TRIOBP: variants seen among roughly 807,000 people sequenced by gnomAD.
TRIOBP encodes the protein TRIO and F-actin-binding protein.
Under a neutral mutation model 238.8 loss-of-function variants are expected in TRIOBP, and 169 were observed. The observed-to-expected ratio is 0.71, with a 90% CI of 0.62 to 0.80. The LOEUF (loss-of-function observed/expected upper bound fraction) is 0.80. Among genes scored for constraint, TRIOBP ranks in the 30% least tolerant of loss-of-function variants. The probability of loss-of-function intolerance (pLI) is 0.00; values close to 1 mark genes in which losing one functional copy is unlikely to be tolerated. For synonymous variants in TRIOBP, 1,150 were observed against 1,274.4 expected (o/e 0.90, Z 2.08); for missense variants, 2,838 against 3,122.6 (o/e 0.91, Z 2.17).
chr22:37,726,310 T>C lies in TRIOBP; in HGVS notation c.3754T>C (p.Ser1252Pro). Residue 1252 changes from serine to proline, a missense_variant, in exon 7 of 24, where the codon TCC becomes CCC. Physicochemically the swap from Ser to Pro is moderately conservative, Grantham distance 74 (BLOSUM62 -1). Around this residue, in one of 5 missense-constraint regions of TRIOBP, gnomAD observed 2,096 missense variants for 2,137.4 expected, o/e 0.98. Coordinates refer to ENST00000644935, the MANE Select transcript of TRIOBP (RefSeq NM_001039141.3). ...PSPSPGSSGG[S>P]RGSAPPGETR... ...ACCTTCACCGGGCAGCTCTGGGGGC[T>C]CCCGGGGCTCAGCGCCTCCCGGGGA... is the stretch of plus-strand genomic sequence containing the variant. The C allele has an allele frequency of 6.2e-7, 1 of 1,612,592 alleles. No individual in the cohort carries two copies. Among genetic ancestry groups the C allele is most frequent in the Non-Finnish European group, 8.5e-7 (1 of 1,179,888 alleles).
chr22:37,721,362 A>G (rs574074949), intron 6 of TRIOBP, among the ~76,000 whole-genome samples: 109 of 152,164 alleles, frequency 7.2e-4, no homozygotes, highest in Non-Finnish European at 1.1e-3. Flanking sequence ...TCAGACTTTC[A>G]CCAACACCAG....
intron 2 of TRIOBP, among the ~76,000 whole-genome samples, chr22:37,698,199 C>CA (rs1289082507): frequency 2.7e-3 from 171 of 63,582 alleles, no homozygotes; most frequent in African/African-American, 8.6e-3. Flanking sequence ...GATTCTGTCT[C>CA]AAAAAAAAAA....
Position 37,725,589 on chromosome 22 carries a change from G to A in TRIOBP, c.3033G>A (p.Gln1011=). The A allele has an allele frequency of 6.2e-7, 1 of 1,613,748 alleles. No individual in the cohort carries two copies. Residue 1011 remains glutamine (Q), a synonymous_variant, in exon 7 of 24, where the codon CAG becomes CAA. Coordinates refer to ENST00000644935, the MANE Select transcript of TRIOBP (RefSeq NM_001039141.3). The part of the protein sequence containing the change: ...GAPLTSPEPS[Q]PPCAVCIGHR... ...CCCTGACCTCTCCTGAGCCCTCCCA[G>A]CCTCCATGTGCTGTGTGCATTGGGC...
In TRIOBP at chr22:37,714,354, A is replaced by G. The variant is rs1435354565; in HGVS notation, c.456+943A>G. 5.3e-5 allele frequency among the ~76,000 whole-genome samples: 8 copies of G among 152,330 alleles called. No individual in the cohort carries two copies. In the East Asian group the frequency reaches 1.5e-3, roughly 29 times the overall value. ...GAGCCCAGCACAGTGCCAGGCAAAC[A>G]GCACATGCTTTTAATTTAATTGATT... On this transcript the variant is annotated intron_variant, in intron 5 of 23. Transcript: ENST00000644935.
At chr22:37,706,431 G>A (rs1283571211) in intron 3 of TRIOBP, among the ~76,000 whole-genome samples, 2 of 152,162 alleles carry the variant, frequency 1.3e-5, no homozygotes, top group Non-Finnish European at 2.9e-5. Flanking sequence ...AGCCAAGAAG[G>A]CCAGAGGCTA....
At chr22:37,762,379 T>C (rs540256985) in intron 17 of TRIOBP, among the ~76,000 whole-genome samples, 3 of 152,344 alleles carry the variant, frequency 2.0e-5, no homozygotes, top group Admixed American at 2.0e-4. Context: ...TTGTCCGTTT[T>C]ACTCATAGAG....
At chr22:37,754,427 A>AG (rs1925799375) in intron 12 of TRIOBP, among the ~76,000 whole-genome samples, 1 of 151,536 alleles carries the variant, frequency 6.6e-6, no homozygotes, top group Non-Finnish European at 1.5e-5. Context: ...CAAAAAAAAA[A>AG]AAAAAAAAAG....
chr22:37,746,295 C>A (rs1925255290), intron 11 of TRIOBP: 2 of 1,089,626 alleles, frequency 1.8e-6, no homozygotes, highest in African/African-American at 1.7e-5. Context: ...GGAGGCGCGG[C>A]GGCGGGCGGC....
At chr22:37,749,783 CAAAAAAAA>C (rs893218020) in intron 11 of TRIOBP, among the ~76,000 whole-genome samples, 6 of 60,272 alleles carry the variant, frequency 1.0e-4, no homozygotes, top group South Asian at 6.1e-4. Context: ...CCCATCTCTA[CAAAAAAAA>C]AAAAAAAAAA....
At chr22:37,772,859 T>C in intron 23 of TRIOBP, 95 bp downstream of exon 23, 4 of 1,450,402 alleles carry the variant, frequency 2.8e-6, no homozygotes, top group Non-Finnish European at 3.8e-6. Context: ...GCCACTTCCT[T>C]CTTCTGGCCT....
At chr22:37,708,982 G>T (rs1923093831) in intron 3 of TRIOBP, among the ~76,000 whole-genome samples, 1 of 152,182 alleles carries the variant, frequency 6.6e-6, no homozygotes, top group African/African-American at 2.4e-5. Flanking sequence ...CCTGGTTGAT[G>T]CCTGGCAAGT....
chr22:37,729,003 C>T (rs1402640805), intron 7 of TRIOBP, among the ~76,000 whole-genome samples: 1 of 152,046 alleles, frequency 6.6e-6, no homozygotes, highest in Non-Finnish European at 1.5e-5. Context: ...GCAACCTCTG[C>T]CTTCTGGGTT....
Position 37,726,196 on chromosome 22 carries a change from C to A in TRIOBP, c.3640C>A (p.Pro1214Thr). 6.4e-7 allele frequency: 1 copy of A among 1,558,864 alleles called. No homozygotes were observed. Among genetic ancestry groups the A allele is most frequent in the Non-Finnish European group, 8.7e-7 (1 of 1,153,816 alleles). ...TCTGCATGGCTCCCCAGTGCTGATCCCCCAAGTGTGCATCGGGCACCGGGA... is the reference window on the plus strand; with the variant it reads ...TCTGCATGGCTCCCCAGTGCTGATCACCCAAGTGTGCATCGGGCACCGGGA... The part of the protein sequence containing the change: ...DSLHGSPVLI[P>T]QVCIGHRDAP... Residue 1214 changes from proline to threonine, a missense_variant, in exon 7 of 24, where the codon CCC becomes ACC. Transcript: ENST00000644935.
At chr22:37,731,180 C>G (rs1435417810) in intron 7 of TRIOBP, among the ~76,000 whole-genome samples, 2 of 152,126 alleles carry the variant, frequency 1.3e-5, no homozygotes, top group African/African-American at 2.4e-5. Context: ...CTCTTTCACC[C>G]AGGCTGGAAT....
chr22:37,712,523 C>T (rs990545088), intron 4 of TRIOBP, among the ~76,000 whole-genome samples: 6 of 151,844 alleles, frequency 4.0e-5, no homozygotes, highest in Admixed American at 1.3e-4. Context: ...TTAGTAGAGA[C>T]GGGGTTTCAC....
intron 3 of TRIOBP, among the ~76,000 whole-genome samples, chr22:37,709,083 A>C (rs2145817750): frequency 6.6e-6 from 1 of 152,298 alleles, no homozygotes; most frequent in African/African-American, 2.4e-5. Flanking sequence ...AGCTCTGATC[A>C]GAATCTGGCT....
chr22:37,746,824 C>T (rs1208171270), intron 11 of TRIOBP, among the ~76,000 whole-genome samples: 1 of 152,196 alleles, frequency 6.6e-6, no homozygotes, highest in Non-Finnish European at 1.5e-5. Flanking sequence ...TGGGCCTGGG[C>T]TGGGGAGGGG....
intron 11 of TRIOBP, among the ~76,000 whole-genome samples, chr22:37,742,266 T>TTTG (rs1298779476): frequency 1.3e-5 from 2 of 148,168 alleles, no homozygotes; most frequent in Non-Finnish European, 3.0e-5. Context: ...CGTTTTTTTT[T>TTTG]TTTTTTTTTT....
At chr22:37,746,267 T>G (rs1601648672) in intron 11 of TRIOBP, 5 of 1,056,744 alleles carry the variant, frequency 4.7e-6, no homozygotes, top group Non-Finnish European at 4.5e-6. Context: ...CGGGGCAGCG[T>G]CGGGGAAAGG....
Sources: allele counts gnomAD v4.1 joint callset (sites outside exome capture counted in the v4.1 genomes callset), GRCh38; gene constraint gnomAD v4.1.1; regional missense constraint gnomAD v4.1.1; transcripts MANE v1.5; gene names NCBI Gene and HGNC (gene_info 2026-07-23, HGNC 2026-07-21).